Variants in PTPRF observed in about 807,000 individuals in gnomAD.
The protein encoded by PTPRF is receptor-type tyrosine-protein phosphatase F.
In PTPRF, 59 loss-of-function variants were observed where a neutral mutation model predicts 201.8. That is an observed-to-expected ratio of 0.29 (90% CI 0.24 to 0.36). The LOEUF is 0.36. PTPRF is among the 10% of genes least tolerant of loss of function. PTPRF has a pLI of 1.00. For missense variants in PTPRF, 2,132 were observed against 2,690.5 expected, an observed-to-expected ratio of 0.79 and a Z score of 4.59; for synonymous variants, 1,088 against 1,089.7, an observed-to-expected ratio of 1.00 and a Z score of 0.03.
chr1:43,582,298 G>A (rs1417075822), intron 7 of PTPRF, among the ~76,000 whole-genome samples: 1 of 152,204 alleles, frequency 6.6e-6, no homozygotes, highest in Non-Finnish European at 1.5e-5. Flanking sequence ...GTAGCCTCTC[G>A]GATAGCACTG....
At chr1:43,614,053 C>T (rs1438395816) in intron 23 of PTPRF, among the ~76,000 whole-genome samples, 1 of 152,238 alleles carries the variant, frequency 6.6e-6, no homozygotes, top group East Asian at 1.9e-4. Context: ...TCAGTGATAA[C>T]AGCCACAGTA....
rs780295778 is a variant in PTPRF, at chr1:43,588,115, C to G, written c.680-616C>G. On this transcript the variant is annotated intron_variant, in intron 7 of 33. Transcript: ENST00000359947. The surrounding 1 kb of genome is among the most constrained non-coding windows in gnomAD (Gnocchi z 5.3). ...CTCCCCAGTCCTCCTGAGGGCAGCC[C>G]TTTTGCTTGGGTTCCCAGGTTGTGC... 1.3e-5 allele frequency among the ~76,000 whole-genome samples: 2 copies of G among 152,204 alleles called. No individual in the cohort carries two copies. Among genetic ancestry groups the G allele is most frequent in the Non-Finnish European group, 2.9e-5 (2 of 68,042 alleles).
chr1:43,596,745 C>T lies in PTPRF; in HGVS notation c.1814-1003C>T, dbSNP rs549734140. On this transcript the variant is annotated intron_variant, in intron 11 of 33. Coordinates refer to ENST00000359947, the MANE Select transcript of PTPRF (RefSeq NM_002840.5). ...TGGGCACAGCAGATGTGAAGCAGTT[C>T]TCCATATGTGGCTGTGTGTGCGGGT... Among the ~76,000 whole-genome samples, 7 of 152,302 alleles carry T rather than the reference C, an allele frequency of 4.6e-5. No homozygotes were observed. The East Asian group carries it at 1.3e-3, about 29-fold the overall frequency.
At chr1:43,617,113 TGA>T (rs1329140039) in intron 23 of PTPRF, among the ~76,000 whole-genome samples, 3 of 151,762 alleles carry the variant, frequency 2.0e-5, no homozygotes, top group Non-Finnish European at 4.4e-5. Flanking sequence ...CGGGACTGCC[TGA>T]GAGGGGGCCA....
At chr1:43,569,423 G>A (rs889579144) in intron 5 of PTPRF, among the ~76,000 whole-genome samples, 167 bp from the exon 6 acceptor site, 17 of 152,176 alleles carry the variant, frequency 1.1e-4, no homozygotes, top group Admixed American at 1.1e-3. Context: ...AAGAGACTTA[G>A]GACCCTGGTT....
At chr1:43,524,458 G>A (rs1245494458), upstream of PTPRF, among the ~76,000 whole-genome samples, 3 of 152,240 alleles carry the variant, frequency 2.0e-5, no homozygotes, top group Admixed American at 6.5e-5. Context: ...CCAGGAGCTC[G>A]AGACCAGCCT....
upstream of PTPRF, among the ~76,000 whole-genome samples, chr1:43,526,932 T>C (rs763850495): frequency 5.3e-5 from 8 of 152,168 alleles, no homozygotes; most frequent in Admixed American, 2.6e-4. Flanking sequence ...ACTGACCATC[T>C]CTGGGATTGT....
At chr1:43,592,334 G>C in intron 10 of PTPRF, 123 bp from the exon 11 acceptor site, 2 of 1,222,220 alleles carry the variant, frequency 1.6e-6, no homozygotes, top group Non-Finnish European at 2.3e-6. Flanking sequence ...TGGCCTTATG[G>C]TGTGGAGCCA....
chr1:43,594,633 C>T (rs1651795726), intron 11 of PTPRF, among the ~76,000 whole-genome samples: 1 of 152,094 alleles, frequency 6.6e-6, no homozygotes, highest in African/African-American at 2.4e-5. Context: ...GTCAGGGATG[C>T]TGACTGGTCA....
chr1:43,525,029 C>T (rs574168171), upstream of PTPRF, among the ~76,000 whole-genome samples: 149 of 152,270 alleles, frequency 9.8e-4, 2 homozygotes, highest in African/African-American at 3.5e-3. Context: ...GACAGGAGGG[C>T]TCACTTGGAG....
chr1:43,554,185 TG>T lies in PTPRF; in HGVS notation c.379+246del, dbSNP rs1645205529. Among the ~76,000 whole-genome samples the T allele has an allele frequency of 6.6e-6, 1 of 151,998 alleles. No individual in the cohort carries two copies. Among genetic ancestry groups the T allele is most frequent in the Admixed American group, 6.5e-5 (1 of 15,272 alleles). ...GTATTCTCCTGCTGAGCCGGGTCGT[TG>T]GTTGGGTGGGGTCTGGGGTCTGACT... is the stretch of plus-strand genomic sequence containing the variant. On this transcript the variant is annotated intron_variant, in intron 5 of 33. Transcript: ENST00000359947. This position sits in a 1 kb window ranked among gnomAD's most constrained non-coding sequence, Gnocchi z 4.1.
At chr1:43,548,792 C>G (rs574636567) in intron 3 of PTPRF, among the ~76,000 whole-genome samples, 27 of 152,354 alleles carry the variant, frequency 1.8e-4, no homozygotes, top group Non-Finnish European at 5.9e-5. Context: ...CAGAAGCTCC[C>G]TGCCCTGCCT....
rs367756980 is a variant in PTPRF, at chr1:43,588,972, C to T, written c.921C>T (p.Ile307=). The part of the protein sequence containing the change: ...TCVAISSLGM[I]EATAQVTVKA... The stretch of plus-strand genomic sequence containing the variant: ...TGGCCATCTCCTCGCTGGGCATGAT[C>T]GAGGCCACAGCCCAGGTCACAGTGA... The change falls in exon 8 of 34, where the codon ATC becomes ATT. Residue 307 remains isoleucine, a synonymous_variant. Coordinates refer to ENST00000359947, the MANE Select transcript of PTPRF (RefSeq NM_002840.5). This position sits in a 1 kb window ranked among gnomAD's most constrained non-coding sequence, Gnocchi z 5.3. 1.1e-5 allele frequency: 17 copies of T among 1,569,668 alleles called. No homozygotes were observed. Among genetic ancestry groups the T allele is most frequent in the African/African-American group, 6.7e-5 (5 of 74,410 alleles).
At chr1:43,597,330 G>A (rs561485853) in intron 11 of PTPRF, among the ~76,000 whole-genome samples, 2 of 152,000 alleles carry the variant, frequency 1.3e-5, no homozygotes, top group Admixed American at 1.3e-4. Context: ...GAGACACTAT[G>A]TATATGTGAC....
intron 5 of PTPRF, among the ~76,000 whole-genome samples, chr1:43,564,122 C>T (rs781075729): frequency 6.6e-6 from 1 of 152,188 alleles, no homozygotes; most frequent in Non-Finnish European, 1.5e-5. Flanking sequence ...CTTGGAAAAA[C>T]AGCTGAAAAT....
chr1:43,535,340 C>T (rs1643936791), intron 1 of PTPRF, among the ~76,000 whole-genome samples: 1 of 151,992 alleles, frequency 6.6e-6, no homozygotes, highest in Non-Finnish European at 1.5e-5. Context: ...GAAGGGGCAG[C>T]CTTGGGGTAT....
intron 19 of PTPRF, among the ~76,000 whole-genome samples, chr1:43,606,013 T>G (rs1299053148): frequency 1.3e-5 from 2 of 152,068 alleles, no homozygotes; most frequent in African/African-American, 4.8e-5. Context: ...AACAGCCTGG[T>G]TAGGGTGGGG....
intron 5 of PTPRF, among the ~76,000 whole-genome samples, chr1:43,555,316 A>ATGTG (rs61442919): frequency 6.6e-6 from 1 of 151,512 alleles, no homozygotes; most frequent in African/African-American, 2.4e-5. Context: ...ATACATATAT[A>ATGTG]TGTGTGTGTG....
chr1:43,585,944 G>A (rs534407483), intron 7 of PTPRF, among the ~76,000 whole-genome samples: 28 of 152,184 alleles, frequency 1.8e-4, no homozygotes, highest in African/African-American at 6.3e-4. Context: ...CCATCCTTAC[G>A]CCCGCTGGAG....
Sources: allele counts gnomAD v4.1 joint callset (sites outside exome capture counted in the v4.1 genomes callset), GRCh38; gene constraint gnomAD v4.1.1; non-coding constraint Gnocchi (gnomAD v3.1); transcripts MANE v1.5; gene names NCBI Gene and HGNC (gene_info 2026-07-23, HGNC 2026-07-21).